KDR: variants seen among roughly 807,000 people sequenced by gnomAD.
The protein encoded by KDR is kinase insert domain receptor, also known as vascular endothelial growth factor receptor 2.
Under a neutral mutation model 160.9 loss-of-function variants are expected in KDR, and 43 were observed. The ratio of observed to expected loss-of-function variants is 0.27; its 90% confidence interval spans 0.21 to 0.34. KDR has a LOEUF of 0.34. KDR is among the 10% of genes least tolerant of loss of function. The pLI, the probability that KDR is intolerant of heterozygous loss-of-function variation, is 1.00. For synonymous variants in KDR, 617 were observed against 600.1 expected (o/e 1.03, Z -0.41); for missense variants, 1,469 against 1,666.4 (o/e 0.88, Z 2.06).
intron 2 of KDR, among the ~76,000 whole-genome samples, chr4:55,120,064 T>C (rs1260080604): frequency 6.6e-6 from 1 of 152,168 alleles, no homozygotes; most frequent in Non-Finnish European, 1.5e-5. Context: ...GAAAATCTAA[T>C]GGGAAATGTG....
At chr4:55,085,193 T>G (rs1345994274) in intron 27 of KDR, among the ~76,000 whole-genome samples, 1 of 152,186 alleles carries the variant, frequency 6.6e-6, no homozygotes, top group African/African-American at 2.4e-5. Context: ...TGTGTTTTCT[T>G]GCAGGAAGCA....
intron 3 of KDR, among the ~76,000 whole-genome samples, chr4:55,118,362 T>G (rs146128278): frequency 1.1e-4 from 17 of 152,236 alleles, no homozygotes; most frequent in African/African-American, 4.1e-4. Flanking sequence ...GAACACAGAT[T>G]TACCTTGGAA....
intron 2 of KDR, 22 bp downstream of exon 2, chr4:55,121,075 T>G: frequency 1.3e-6 from 2 of 1,504,052 alleles, no homozygotes; most frequent in Non-Finnish European, 1.9e-6. Flanking sequence ...ACAAGAAATC[T>G]AGATCTAGAA....
intron 11 of KDR, 120 bp from the exon 12 acceptor site, chr4:55,106,060 G>T: frequency 3.9e-6 from 3 of 764,840 alleles, no homozygotes; most frequent in East Asian, 2.5e-5. Context: ...CTTCTGCAGC[G>T]GTTGGACACG....
At chr4:55,089,656 G>T (rs2110010821) in intron 24 of KDR, 35 bp downstream of exon 24, 1 of 1,568,152 alleles carries the variant, frequency 6.4e-7, no homozygotes, top group South Asian at 1.1e-5. Flanking sequence ...TTCCTCTTTG[G>T]AGTCTGGATG....
rs368285257 is a variant in KDR, at chr4:55,079,674, G to A, written c.*267C>T. 1.2e-5 allele frequency: 6 copies of A among 518,526 alleles called. No homozygotes were observed. The highest frequency in any genetic ancestry group is 8.4e-5 in the South Asian group (4 of 47,620). The allele number at this position is 518,526 out of a possible 1,614,324, so 32.1% of individuals were successfully genotyped here. On this transcript the variant is annotated 3_prime_UTR_variant, in exon 30 of 30. Transcript: ENST00000263923. ...TTGTTCTAAACCCATGGTGAGACCC[G>A]CAGCAGGGGGCATGATAAATGCTTT...
rs144778059 is a variant in KDR at position 55,080,164 on chromosome 4, C to T, written c.3849-1G>A. Reference sequence around the variant, plus strand: ...CCTGCTTTTGCTGGGCACCATTCCACTGCAGAAGAAATGGCAAACAAAGGA... The same window carrying T: ...CCTGCTTTTGCTGGGCACCATTCCATTGCAGAAGAAATGGCAAACAAAGGA... On this transcript the variant is annotated splice_acceptor_variant, in intron 29 of 29. Transcript: ENST00000263923. LOFTEE classifies it high-confidence loss of function. 15 of 1,612,770 alleles carry T rather than the reference C, an allele frequency of 9.3e-6. No individual in the cohort carries two copies. In the East Asian group the frequency reaches 3.3e-4, roughly 36 times the overall value.
chr4:55,113,246 T>C (rs1472495313), intron 7 of KDR, 58 bp downstream of exon 7: 4 of 1,559,688 alleles, frequency 2.6e-6, no homozygotes, highest in African/African-American at 2.7e-5. Context: ...GTGACCTAAA[T>C]TTATTTAAAT....
At chr4:55,092,552 C>T (rs1479708820) in intron 22 of KDR, 65 bp downstream of exon 22, 6 of 1,145,300 alleles carry the variant, frequency 5.2e-6, no homozygotes, top group African/African-American at 1.5e-5. Flanking sequence ...ATGGCTGACA[C>T]TGGACATCTT....
At chr4:55,086,742 C>T (rs1215747600) in intron 27 of KDR, among the ~76,000 whole-genome samples, 1 of 152,212 alleles carries the variant, frequency 6.6e-6, no homozygotes, top group African/African-American at 2.4e-5. Flanking sequence ...TTCTCCTTAG[C>T]ATCCCCTGCC....
In KDR at chr4:55,097,934, T is replaced by C. The variant is rs6838752; in HGVS notation, c.2510-168A>G. Among the ~76,000 whole-genome samples the C allele has an allele frequency of 0.21, 31,678 of 151,286 alleles. 3,761 individuals carry two copies. Among genetic ancestry groups the C allele is most frequent in the East Asian group, 0.46 (2,341 of 5,132 alleles). On this transcript the variant is annotated intron_variant, in intron 17 of 29. Coordinates refer to ENST00000263923, the MANE Select transcript of KDR (RefSeq NM_002253.4). Reference sequence around the variant, plus strand: ...AATTATTTAATAACTCCCCCTTCACTCTCCAAATGTCCTGCTTTGGATGAT... The same window carrying C: ...AATTATTTAATAACTCCCCCTTCACCCTCCAAATGTCCTGCTTTGGATGAT...
intron 3 of KDR, among the ~76,000 whole-genome samples, chr4:55,117,303 G>C (rs1474805974): frequency 6.6e-6 from 1 of 152,148 alleles, no homozygotes; most frequent in Non-Finnish European, 1.5e-5. Context: ...TGAGATATGG[G>C]GGATGTTCAT....
At chr4:55,120,196 G>A (rs1397399559) in intron 2 of KDR, among the ~76,000 whole-genome samples, 1 of 152,154 alleles carries the variant, frequency 6.6e-6, no homozygotes, top group Non-Finnish European at 1.5e-5. Flanking sequence ...ATGTCATTCG[G>A]TTTAATGCTT....
At chr4:55,119,064 C>T (rs1231382694) in intron 2 of KDR, among the ~76,000 whole-genome samples, 1 of 152,050 alleles carries the variant, frequency 6.6e-6, no homozygotes, top group Non-Finnish European at 1.5e-5. Flanking sequence ...CAAAAATGAG[C>T]CAGGTGTGGT....
chr4:55,097,591 T>C, intron 18 of KDR, 71 bp downstream of exon 18: 1 of 1,012,878 alleles, frequency 9.9e-7, no homozygotes. Context: ...AAGCTACTGA[T>C]ACAAGCCTTG....
At chr4:55,083,238 G>A (rs137954031) in intron 27 of KDR, among the ~76,000 whole-genome samples, 5 of 152,276 alleles carry the variant, frequency 3.3e-5, no homozygotes, top group African/African-American at 1.2e-4. Flanking sequence ...TCTCAGGAAA[G>A]AGCAGTGGTT....
At position 55,110,772 on chromosome 4, in the gene KDR, G is replaced by C. The variant is rs1560521514; in HGVS notation, c.977-4C>G. On this transcript the variant is annotated splice_polypyrimidine_tract_variant and splice_region_variant and intron_variant, in intron 7 of 29. Coordinates refer to ENST00000263923, the MANE Select transcript of KDR (RefSeq NM_002253.4). ...CCAAAAGCAACAAAAGGTTTTTCTG[G>C]AAGAAAATAAAAAAAAAAAAAGGTC... 6.6e-7 allele frequency: 1 copy of C among 1,523,248 alleles called. No individual in the cohort carries two copies. Among genetic ancestry groups the C allele is most frequent in the East Asian group, 2.4e-5 (1 of 42,398 alleles). 94.4% of individuals were successfully genotyped at this position (1,523,248 alleles called of 1,614,324 possible). A position where few individuals can be genotyped will look rare whatever the true frequency, so the allele number is the denominator to read the frequency against.
intron 3 of KDR, among the ~76,000 whole-genome samples, chr4:55,118,137 GA>G (rs1178573773): frequency 1.3e-5 from 2 of 152,016 alleles, no homozygotes; most frequent in African/African-American, 4.8e-5. Flanking sequence ...ATACTAGTAA[GA>G]AAAAAAGGTT....
rs368034364 is a variant in KDR, at chr4:55,102,465, C to T, written c.2031G>A (p.Thr677=). ...PTITGNLENQ[T]TSIGESIEVS... is the part of the protein sequence containing the mutation. ...CTTCGATGCTTTCCCCAATACTTGT[C>T]GTCTGATTCTCCAGGTTTCCTGTGA... Residue 677 remains threonine, a synonymous_variant, in exon 14 of 30, where the codon ACG becomes ACA. Transcript: ENST00000263923. 17 of 1,613,764 alleles carry T rather than the reference C, an allele frequency of 1.1e-5. No individual in the cohort carries two copies. The highest frequency in any genetic ancestry group is 1.7e-4 in the Middle Eastern group (1 of 6,060).
Sources: allele counts gnomAD v4.1 joint callset (sites outside exome capture counted in the v4.1 genomes callset), GRCh38; gene constraint gnomAD v4.1.1; transcripts MANE v1.5; gene names NCBI Gene and HGNC (gene_info 2026-07-23, HGNC 2026-07-21).